The following STK39 variants were observed in gnomAD, a reference collection of about 807,000 sequenced individuals.
STK39 encodes serine/threonine kinase 39.
A neutral mutation model predicts 77.8 loss-of-function variants in STK39; 20 were observed. The observed-to-expected ratio is 0.26, with a 90% CI of 0.18 to 0.37. The LOEUF is 0.37. STK39 is among the 10% of genes least tolerant of loss of function. STK39 has a pLI of 1.00. For missense variants in STK39, 479 were observed against 656.5 expected (o/e 0.73, Z 2.95); for synonymous variants, 246 against 234.1 (o/e 1.05, Z -0.47).
At chr2:168,239,249 A>G (rs1489209475) in intron 1 of STK39, among the ~76,000 whole-genome samples, 1 of 152,174 alleles carries the variant, frequency 6.6e-6, no homozygotes, top group East Asian at 1.9e-4. Context: ...CATGAACAGC[A>G]AGAGAGAGAG....
intron 14 of STK39, among the ~76,000 whole-genome samples, chr2:168,035,351 A>G (rs954327125): frequency 2.0e-5 from 3 of 152,216 alleles, no homozygotes; most frequent in African/African-American, 7.2e-5. Context: ...CTACTACTTC[A>G]ATTCTAAAAT....
chr2:168,175,925 T>C (rs1289149286), intron 2 of STK39, among the ~76,000 whole-genome samples: 1 of 152,122 alleles, frequency 6.6e-6, no homozygotes, highest in African/African-American at 2.4e-5. Context: ...AACTTAATGG[T>C]TGAAACCTGA....
At chr2:168,130,863 C>T (rs1259870465) in intron 8 of STK39, among the ~76,000 whole-genome samples, 1 of 152,164 alleles carries the variant, frequency 6.6e-6, no homozygotes, top group Non-Finnish European at 1.5e-5. Context: ...AGACAACTGG[C>T]CTGATCTCTT....
In STK39 at chr2:168,065,240, CTA is replaced by C. The variant is rs1366698989; in HGVS notation, c.1305+77_1305+78del. The C allele has an allele frequency of 4.7e-6, 7 of 1,476,578 alleles. No individual in the cohort carries two copies. The African/African-American group carries it at 5.6e-5, about 12-fold the overall frequency. 91.5% of individuals were successfully genotyped at this position (1,476,578 alleles called of 1,614,324 possible). On this transcript the variant is annotated intron_variant, in intron 13 of 17. Transcript: ENST00000355999. ...TTTGGAGGCACTACCTTGAAATTGT[CTA>C]TCTTTCTAAAATGTTGGTTTTTTAA...
chr2:168,212,439 T>C (rs1167919893), intron 1 of STK39, among the ~76,000 whole-genome samples: 1 of 152,188 alleles, frequency 6.6e-6, no homozygotes, highest in Admixed American at 6.5e-5. Flanking sequence ...CACATTGCCT[T>C]GGCCAACTCT....
intron 14 of STK39, among the ~76,000 whole-genome samples, chr2:168,017,595 C>A (rs1684447896): frequency 6.6e-6 from 1 of 151,950 alleles, no homozygotes; most frequent in African/African-American, 2.4e-5. Flanking sequence ...TGGTCCCAAA[C>A]TCCCGACCTC....
At chr2:168,125,725 A>G (rs1207163120) in intron 10 of STK39, among the ~76,000 whole-genome samples, 1 of 152,172 alleles carries the variant, frequency 6.6e-6, no homozygotes, top group Non-Finnish European at 1.5e-5. Context: ...ACCCAAAAAA[A>G]ATGTTTTGCA....
chr2:167,983,482 AAGG>A lies in STK39; in HGVS notation c.1499-18759_1499-18757del, dbSNP rs1185577938. On this transcript the variant is annotated intron_variant, in intron 16 of 17. Transcript: ENST00000355999. ...AAAAAAAAAAAAAAGAAATGAAAGG[AAGG>A]AAGGAAGGAAGGAAGGAAGGAAGGA... Among the ~76,000 whole-genome samples the A allele has an allele frequency of 0.043, 137 of 3,190 alleles. 2 individuals are homozygous for A. In the East Asian group the frequency reaches 0.44, roughly 10 times the overall value. The allele number at this position is 3,190 out of a possible 152,430, so 2.1% of individuals were successfully genotyped here.
intron 14 of STK39, among the ~76,000 whole-genome samples, chr2:168,028,100 A>C (rs1278726474): frequency 6.6e-6 from 1 of 152,044 alleles, no homozygotes; most frequent in African/African-American, 2.4e-5. Context: ...TCCTCTCCCT[A>C]ACCTTACCCA....
intron 12 of STK39, among the ~76,000 whole-genome samples, chr2:168,068,423 T>C (rs1685851412): frequency 6.6e-6 from 1 of 152,174 alleles, no homozygotes; most frequent in Non-Finnish European, 1.5e-5. Flanking sequence ...CTATCCTGGA[T>C]TGGATCCTGG....
chr2:168,030,965 G>A (rs1020454763), intron 14 of STK39, among the ~76,000 whole-genome samples: 4 of 152,174 alleles, frequency 2.6e-5, no homozygotes, highest in African/African-American at 9.7e-5. Flanking sequence ...ATGAGGACAG[G>A]ACTTTTCATG....
At chr2:168,223,409 G>A (rs1396786843) in intron 1 of STK39, among the ~76,000 whole-genome samples, 1 of 151,548 alleles carries the variant, frequency 6.6e-6, no homozygotes, top group African/African-American at 2.4e-5. Context: ...CTAATCGGGA[G>A]GGCGAGGCAG....
At chr2:168,125,324 G>T (rs1250030164) in intron 10 of STK39, among the ~76,000 whole-genome samples, 1 of 152,018 alleles carries the variant, frequency 6.6e-6, no homozygotes, top group African/African-American at 2.4e-5. Flanking sequence ...GTAAAAGATG[G>T]AACACCACGT....
intron 14 of STK39, among the ~76,000 whole-genome samples, chr2:168,037,643 T>C (rs1036168594): frequency 3.3e-5 from 5 of 152,082 alleles, no homozygotes; most frequent in Non-Finnish European, 7.4e-5. Flanking sequence ...ACAATCATCC[T>C]AAGAAAAATA....
chr2:167,969,464 T>C (rs1692262347), intron 16 of STK39, among the ~76,000 whole-genome samples: 1 of 152,158 alleles, frequency 6.6e-6, no homozygotes, highest in Non-Finnish European at 1.5e-5. Flanking sequence ...TGCCATTTCC[T>C]ACCCTGAATC....
intron 17 of STK39, among the ~76,000 whole-genome samples, chr2:167,956,712 T>A (rs1171891036): frequency 0.011 from 403 of 35,608 alleles, 40 homozygotes; most frequent in East Asian, 0.034. Context: ...TCTCTCTCTC[T>A]CTCTCTCTCT....
Position 168,075,125 on chromosome 2 carries a change from G to T in STK39, c.1196C>A (p.Ala399Asp). 1 of 1,614,162 alleles carries T rather than the reference G, an allele frequency of 6.2e-7. No individual in the cohort carries two copies. The highest frequency in any genetic ancestry group is 8.5e-7 in the Non-Finnish European group (1 of 1,180,030). The change falls in exon 11 of 18, where the codon GCT becomes GAT. Residue 399 changes from alanine to aspartate, a missense_variant. Coordinates refer to ENST00000355999, the MANE Select transcript of STK39 (RefSeq NM_013233.3). ...GTCATTTACCTTTTCCTGAGAAAAA[G>T]CTGCTTTCCCTTCTTCGCTCTTCTC... Reference protein sequence around the residue: ...MDEKSEEGKAAFSQEKSRRVK... With the variant: ...MDEKSEEGKADFSQEKSRRVK...
At chr2:168,093,754 C>G (rs1243034287) in intron 10 of STK39, among the ~76,000 whole-genome samples, 1 of 152,188 alleles carries the variant, frequency 6.6e-6, no homozygotes, top group Admixed American at 6.5e-5. Context: ...CACACTGCCA[C>G]ACTGCTGCCT....
intron 10 of STK39, among the ~76,000 whole-genome samples, chr2:168,122,515 C>G (rs1385030605): frequency 6.6e-6 from 1 of 152,104 alleles, no homozygotes; most frequent in Non-Finnish European, 1.5e-5. Context: ...CTATGGCTTA[C>G]TGCAATTTCA....
Sources: gnomAD v4.1 joint callset for allele counts (sites outside exome capture counted in the v4.1 genomes callset) on GRCh38, gnomAD v4.1.1 for gene constraint, MANE v1.5 for transcripts, NCBI Gene and HGNC (gene_info 2026-07-23, HGNC 2026-07-21) for gene names.